The following LINC00305 variants were observed in gnomAD, a reference collection of about 807,000 sequenced individuals.
The protein encoded by LINC00305 is long intergenic non-protein coding RNA 305.
chr18:64,144,013 G>A (rs2051485021), intron 1 of LINC00305, among the ~76,000 whole-genome samples: 1 of 152,136 alleles, frequency 6.6e-6, no homozygotes, highest in Admixed American at 6.6e-5. Flanking sequence ...TCTCCTCTTT[G>A]TGAATTACAT....
intron 1 of LINC00305, among the ~76,000 whole-genome samples, chr18:64,136,476 T>A (rs932311324): frequency 6.6e-6 from 1 of 152,086 alleles, no homozygotes; most frequent in Non-Finnish European, 1.5e-5. Flanking sequence ...AAGCCCCTTA[T>A]AAGACCATCA....
chr18:64,106,869 C>T (rs1304700858), intron 1 of LINC00305, among the ~76,000 whole-genome samples: 2 of 152,140 alleles, frequency 1.3e-5, no homozygotes, highest in Non-Finnish European at 2.9e-5. Flanking sequence ...TTGCCAGCTG[C>T]ATTGTTTATG....
intron 1 of LINC00305, among the ~76,000 whole-genome samples, chr18:64,106,043 G>A (rs771462893): frequency 2.0e-5 from 3 of 152,202 alleles, no homozygotes; most frequent in African/African-American, 4.8e-5. Context: ...GGGAAGGAAG[G>A]GAATACTAGC....
intron 3 of LINC00305, among the ~76,000 whole-genome samples, chr18:64,089,732 C>T (rs550456108): frequency 6.6e-6 from 1 of 152,226 alleles, no homozygotes; most frequent in Non-Finnish European, 1.5e-5. Flanking sequence ...GGGGAGGCCT[C>T]ACAATTACGG....
In LINC00305 at chr18:64,108,686, A is replaced by G. The variant is rs542966408; in HGVS notation, n.315-10046T>C. ...TATACAGCCCCTAGGGTGGAGGTCA[A>G]GAAAGTCACATCCACAATCTGATAG... On this transcript the variant is annotated intron_variant and non_coding_transcript_variant, in intron 1 of 3. Transcript: ENST00000666468. Among the ~76,000 whole-genome samples the G allele has an allele frequency of 2.6e-5, 4 of 152,370 alleles. No individual in the cohort carries two copies. The South Asian group carries it at 8.3e-4, about 32-fold the overall frequency.
intron 3 of LINC00305, among the ~76,000 whole-genome samples, chr18:64,097,357 C>A (rs890531606): frequency 6.6e-6 from 1 of 151,940 alleles, no homozygotes; most frequent in African/African-American, 2.4e-5. Context: ...TCTGCCCCAC[C>A]ACTGGTGATT....
chr18:64,130,291 G>A (rs2051403649), intron 1 of LINC00305, among the ~76,000 whole-genome samples: 1 of 152,108 alleles, frequency 6.6e-6, no homozygotes, highest in African/African-American at 2.4e-5. Flanking sequence ...TATGTGCTCA[G>A]TGATTGTTTA....
chr18:64,116,180 A>G (rs2051336965), intron 1 of LINC00305, among the ~76,000 whole-genome samples: 1 of 152,152 alleles, frequency 6.6e-6, no homozygotes, highest in South Asian at 2.1e-4. Context: ...TTAAGCCCCA[A>G]AGGAATTTGC....
chr18:64,094,955 T>A (rs2051239696), intron 3 of LINC00305, among the ~76,000 whole-genome samples: 1 of 152,010 alleles, frequency 6.6e-6, no homozygotes, highest in South Asian at 2.1e-4. Flanking sequence ...TGTGTACCTG[T>A]CATAGAGACC....
chr18:64,087,547 T>C (rs1001411806), intron 3 of LINC00305, among the ~76,000 whole-genome samples: 6 of 152,210 alleles, frequency 3.9e-5, no homozygotes, highest in Non-Finnish European at 7.3e-5. Flanking sequence ...TGTTACTTAA[T>C]CTTGCTTATA....
intron 1 of LINC00305, among the ~76,000 whole-genome samples, chr18:64,131,771 G>A (rs1438710523): frequency 6.6e-6 from 1 of 152,166 alleles, no homozygotes; most frequent in African/African-American, 2.4e-5. Context: ...CAACAAGCAG[G>A]CAAACCCGAG....
At position 64,084,912 on chromosome 18, in the gene LINC00305, C is replaced by T. The variant is rs117725465; in HGVS notation, n.541-4510G>A. ...CAAAGCTTCATCTCTCCTAGCATCA[C>T]GACCATCAATGCAGGTATGTGGCTG... is the stretch of plus-strand genomic sequence containing the variant. On this transcript the variant is annotated intron_variant and non_coding_transcript_variant, in intron 3 of 3. Transcript: ENST00000666468. 9.8e-3 allele frequency among the ~76,000 whole-genome samples: 1,485 copies of T among 152,290 alleles called. 35 individuals carry two copies. Among genetic ancestry groups the T allele is most frequent in the Admixed American group, 0.059 (897 of 15,292 alleles).
At chr18:64,144,804 CG>C (rs2051489118) in intron 1 of LINC00305, among the ~76,000 whole-genome samples, 1 of 152,162 alleles carries the variant, frequency 6.6e-6, no homozygotes, top group South Asian at 2.1e-4. Flanking sequence ...GCCAGCAGCG[CG>C]GGATGTGCTT....
At chr18:64,116,863 C>A (rs1313377279) in intron 1 of LINC00305, among the ~76,000 whole-genome samples, 1 of 152,152 alleles carries the variant, frequency 6.6e-6, no homozygotes, top group Non-Finnish European at 1.5e-5. Flanking sequence ...TACCACGGGC[C>A]TTCCATGGAA....
chr18:64,125,587 A>C (rs1955000), intron 1 of LINC00305, among the ~76,000 whole-genome samples: 23,967 of 151,966 alleles, frequency 0.16, 1,954 homozygotes, highest in African/African-American at 0.18. Context: ...AGGAAAATAT[A>C]TACATACATG....
chr18:64,139,932 T>G (rs1270810076), intron 1 of LINC00305, among the ~76,000 whole-genome samples: 1 of 152,140 alleles, frequency 6.6e-6, no homozygotes. Flanking sequence ...CCTCACATCA[T>G]GACCCAAAGC....
At chr18:64,116,930 C>T (rs111802067) in intron 1 of LINC00305, among the ~76,000 whole-genome samples, 7 of 152,246 alleles carry the variant, frequency 4.6e-5, no homozygotes, top group African/African-American at 1.7e-4. Context: ...AACCACAAAC[C>T]TCACTCCTTC....
Position 64,101,894 on chromosome 18 carries a change from ATGGCTGCTTGAATG to A in LINC00305, n.315-3268_315-3255del, listed in dbSNP as rs565279517. On this transcript the variant is annotated intron_variant and non_coding_transcript_variant, in intron 1 of 3. Coordinates refer to ENST00000666468, the Ensembl canonical transcript of LINC00305. ...GGTAGGTTGTAGCCTACAAATGAAT[ATGGCTGCTTGAATG>A]TGGCTGACTCTTTTGGGCTACTACT... Among the ~76,000 whole-genome samples the A allele has an allele frequency of 1.1e-3, 166 of 152,310 alleles. 3 individuals are homozygous for A. In the South Asian group the frequency reaches 0.012, roughly 11 times the overall value.
chr18:64,139,260 C>CT (rs2051449853), intron 1 of LINC00305, among the ~76,000 whole-genome samples: 1 of 152,208 alleles, frequency 6.6e-6, no homozygotes, highest in Non-Finnish European at 1.5e-5. Flanking sequence ...TCTTTACTTT[C>CT]TTTCCTCAAA....
Sources: gnomAD v4.1 joint callset for allele counts (sites outside exome capture counted in the v4.1 genomes callset) on GRCh38, gnomAD v4.1.1 for gene constraint, MANE v1.5 for transcripts, NCBI Gene and HGNC (gene_info 2026-07-23, HGNC 2026-07-21) for gene names.